PARVA: variants seen among roughly 807,000 people sequenced by gnomAD.
The protein encoded by PARVA is alpha-parvin.
Under a neutral mutation model 52.6 loss-of-function variants are expected in PARVA, and 25 were observed. The ratio of observed to expected loss-of-function variants is 0.48; its 90% CI spans 0.35 to 0.66. PARVA has a LOEUF of 0.66. PARVA is among the 30% of genes least tolerant of loss of function. The pLI is 0.01. For missense variants in PARVA, 373 were observed against 450.9 expected (o/e 0.83, Z 1.56); for synonymous variants, 185 against 179.1 (o/e 1.03, Z -0.26).
rs1197294267 is a variant in PARVA, at chr11:12,530,364, A to ATTCTTG, written c.*2439_*2440insTTCTTG. 5 of 152,180 alleles carry ATTCTTG rather than the reference A, an allele frequency of 3.3e-5. No individual in the cohort carries two copies. Among genetic ancestry groups the ATTCTTG allele is most frequent in the Non-Finnish European group, 7.3e-5 (5 of 68,044 alleles). 9.4% of individuals were successfully genotyped at this position (152,180 alleles called of 1,614,324 possible). The stretch of plus-strand genomic sequence containing the variant: ...CAAAAGAGGAATCAAGAATAAATAA[A>ATTCTTG]ACAAACTTAATCTTCATCTTTAAAA... On this transcript the variant is annotated 3_prime_UTR_variant, in exon 13 of 13. Transcript: ENST00000334956.
intron 4 of PARVA, among the ~76,000 whole-genome samples, chr11:12,495,125 T>C (rs1001761621): frequency 6.6e-6 from 1 of 152,218 alleles, no homozygotes; most frequent in Non-Finnish European, 1.5e-5. Flanking sequence ...CTCTTCAAGA[T>C]GTAAGAAGAA....
At chr11:12,521,402 G>A (rs1386090798) in intron 12 of PARVA, among the ~76,000 whole-genome samples, 1 of 152,208 alleles carries the variant, frequency 6.6e-6, no homozygotes, top group Non-Finnish European at 1.5e-5. Context: ...AACAGAAACT[G>A]CTGGTGTTCT....
chr11:12,405,436 A>T (rs1309890748), intron 1 of PARVA, among the ~76,000 whole-genome samples: 1 of 152,192 alleles, frequency 6.6e-6, no homozygotes, highest in African/African-American at 2.4e-5. Flanking sequence ...GTGTTGCCTC[A>T]TGCCTATAAT....
At chr11:12,406,698 T>G (rs1939915344) in intron 1 of PARVA, among the ~76,000 whole-genome samples, 1 of 132,190 alleles carries the variant, frequency 7.6e-6, no homozygotes. Flanking sequence ...TGAGACGGAG[T>G]CTTGCTCTGT....
At chr11:12,526,588 A>C (rs1941704225) in intron 12 of PARVA, among the ~76,000 whole-genome samples, 2 of 152,198 alleles carry the variant, frequency 1.3e-5, no homozygotes, top group South Asian at 4.1e-4. Context: ...AGAAAAAAGT[A>C]ATGCCGGCTC....
intron 1 of PARVA, among the ~76,000 whole-genome samples, chr11:12,405,258 G>A (rs759522740): frequency 6.6e-6 from 1 of 152,206 alleles, no homozygotes; most frequent in Non-Finnish European, 1.5e-5. Flanking sequence ...GAAGCATGCT[G>A]TCTTCTTCAG....
intron 1 of PARVA, among the ~76,000 whole-genome samples, chr11:12,468,841 T>A (rs1406874067): frequency 2.0e-5 from 3 of 152,206 alleles, no homozygotes; most frequent in Non-Finnish European, 2.9e-5. Context: ...GAAGGTTGCC[T>A]TTTCTTCCTT....
chr11:12,405,398 ATATAT>A lies in PARVA; in HGVS notation c.136+27618_136+27622del, dbSNP rs555363002. On this transcript the variant is annotated intron_variant, in intron 1 of 12. Coordinates refer to ENST00000334956, the MANE Select transcript of PARVA (RefSeq NM_018222.5). ...TGCGTATAGGAAAAAGTTTAGAAAAATATATTAAGTATAAAGAAAAGCCAGGAGTG... is the reference window on the plus strand; with the variant it reads ...TGCGTATAGGAAAAAGTTTAGAAAAATAAGTATAAAGAAAAGCCAGGAGTG... Among the ~76,000 whole-genome samples, 25 of 152,306 alleles carry A rather than the reference ATATAT, an allele frequency of 1.6e-4. No individual in the cohort carries two copies. The South Asian group carries it at 5.2e-3, about 32-fold the overall frequency.
intron 1 of PARVA, among the ~76,000 whole-genome samples, chr11:12,402,978 C>G (rs1939851160): frequency 6.6e-6 from 1 of 152,216 alleles, no homozygotes; most frequent in Admixed American, 6.5e-5. Context: ...ATATGTTGTT[C>G]TCATTCCCTC....
chr11:12,413,167 G>A (rs1940015586), intron 1 of PARVA, among the ~76,000 whole-genome samples: 1 of 152,210 alleles, frequency 6.6e-6, no homozygotes, highest in Non-Finnish European at 1.5e-5. Flanking sequence ...TGCCCATTCT[G>A]CCACAAAGAT....
intron 12 of PARVA, among the ~76,000 whole-genome samples, chr11:12,520,961 AAG>A (rs1321251026): frequency 1.3e-5 from 2 of 152,132 alleles, no homozygotes; most frequent in African/African-American, 4.8e-5. Context: ...AGGAAAGAAA[AAG>A]AAATATTGTC....
At chr11:12,398,211 G>A (rs61875448) in intron 1 of PARVA, 13,511 of 152,038 alleles carry the variant, frequency 0.089, 730 homozygotes, top group African/African-American at 0.14. Context: ...GGAGTGTTGA[G>A]TGACTCACGA....
rs1939676658 is a variant in PARVA at position 12,392,668 on chromosome 11, G to A, written c.136+14885G>A. On this transcript the variant is annotated intron_variant, in intron 1 of 12. Coordinates refer to ENST00000334956, the MANE Select transcript of PARVA (RefSeq NM_018222.5). The stretch of plus-strand genomic sequence containing the variant: ...ATACTTTTTGGCAATTATGAATAAT[G>A]TGACTATGAATTTGCATGTACAAGT... Among the ~76,000 whole-genome samples the A allele has an allele frequency of 1.3e-5, 2 of 152,166 alleles. 1 individual carries two copies. The highest frequency in any genetic ancestry group is 4.1e-4 in the South Asian group (2 of 4,822).
intron 12 of PARVA, among the ~76,000 whole-genome samples, chr11:12,527,413 C>T (rs757313047): frequency 6.6e-6 from 1 of 152,148 alleles, no homozygotes; most frequent in East Asian, 1.9e-4. Flanking sequence ...TATTCTTAAT[C>T]GGAACCTGTC....
intron 1 of PARVA, among the ~76,000 whole-genome samples, chr11:12,403,524 C>T (rs1274152935): frequency 2.0e-5 from 3 of 152,220 alleles, no homozygotes; most frequent in African/African-American, 7.2e-5. Flanking sequence ...AGGTCAAATA[C>T]TTGAGGTATG....
chr11:12,408,067 T>A (rs948696133), intron 1 of PARVA, among the ~76,000 whole-genome samples: 2 of 152,246 alleles, frequency 1.3e-5, no homozygotes, highest in Non-Finnish European at 2.9e-5. Flanking sequence ...TTCTACTGAC[T>A]GTTTTTCACG....
At chr11:12,377,822 CG>C in intron 1 of PARVA, 39 bp downstream of exon 1, 10 of 1,448,408 alleles carry the variant, frequency 6.9e-6, no homozygotes, top group Non-Finnish European at 7.3e-6. Context: ...CGGTAGGAGC[CG>C]GGGGTGCCGT....
Position 12,473,958 on chromosome 11 carries a change from A to G in PARVA, c.272A>G (p.Asp91Gly). The change falls in exon 3 of 13, where the codon GAC becomes GGC. Residue 91 changes from aspartate (D) to glycine (G), a missense_variant. Asp to Gly is a moderately conservative substitution (Grantham distance 94). Coordinates refer to ENST00000334956, the MANE Select transcript of PARVA (RefSeq NM_018222.5). ...RTMVDPNSRS[D>G]PKLQELMKVL... ...ATGGTGGATCCAAACTCACGCAGTG[A>G]CCCCAAGCTTCAAGAACTGATGAAG... The G allele has an allele frequency of 6.3e-7, 1 of 1,581,580 alleles. No individual in the cohort carries two copies. The highest frequency in any genetic ancestry group is 2.3e-5 in the East Asian group (1 of 43,148).
At chr11:12,451,867 C>T (rs780476780) in intron 1 of PARVA, among the ~76,000 whole-genome samples, 15 of 152,238 alleles carry the variant, frequency 9.9e-5, no homozygotes, top group Middle Eastern at 3.4e-3. Context: ...AAGAATATCG[C>T]GCTTCTTAGC....
Sources: gnomAD v4.1 joint callset for allele counts (sites outside exome capture counted in the v4.1 genomes callset) on GRCh38, gnomAD v4.1.1 for gene constraint, MANE v1.5 for transcripts, NCBI Gene and HGNC (gene_info 2026-07-23, HGNC 2026-07-21) for gene names.